The following GAA variants were observed in gnomAD, a reference collection of about 807,000 sequenced individuals.
GAA encodes the protein lysosomal alpha-glucosidase.
In GAA, 88 loss-of-function variants were observed where a neutral mutation model predicts 103.9. The ratio of observed to expected loss-of-function variants is 0.85; its 90% CI spans 0.71 to 1.01. GAA has a LOEUF of 1.01. Among genes scored for constraint, GAA ranks in the 50% least tolerant of loss-of-function variants. GAA has a pLI of 0.00. For missense variants in GAA, 1,350 were observed against 1,305.3 expected (o/e 1.03, Z -0.53); for synonymous variants, 572 against 563.1 (o/e 1.02, Z -0.22).
intron 7 of GAA, 26 bp from the exon 8 acceptor site, chr17:80,108,671 C>G (rs754858392): frequency 6.6e-5 from 106 of 1,612,690 alleles, no homozygotes; most frequent in Non-Finnish European, 8.9e-5. Flanking sequence ...CAGGCCCCAG[C>G]AGACGGTCCC....
At chr17:80,107,980 C>T (rs1223627596) in intron 5 of GAA, 84 bp downstream of exon 5, 4 of 1,316,132 alleles carry the variant, frequency 3.0e-6, no homozygotes, top group Non-Finnish European at 3.2e-6. Flanking sequence ...ATGAGGGGCC[C>T]TGGGCACGGT....
At chr17:80,118,996 G>A (rs1229397996) in intron 19 of GAA, among the ~76,000 whole-genome samples, 191 bp downstream of exon 19, 1 of 152,220 alleles carries the variant, frequency 6.6e-6, no homozygotes, top group Non-Finnish European at 1.5e-5. Flanking sequence ...TCTACACGTG[G>A]GTGATGGGGC....
In GAA at chr17:80,119,200, C is replaced by T. The variant is rs1324131727; in HGVS notation, c.2800-72C>T. On this transcript the variant is annotated intron_variant, in intron 19 of 19. Transcript: ENST00000302262. ...CTGGGATCTCGGGGCCAGATGGAGC[C>T]GCCTTCTGAGCGCTGGGGTCTCACT... The T allele has an allele frequency of 1.2e-5, 18 of 1,448,884 alleles. No homozygotes were observed. In the South Asian group the frequency reaches 1.5e-4, roughly 12 times the overall value. The allele number at this position is 1,448,884 out of a possible 1,614,324, so 89.8% of individuals were successfully genotyped here.
intron 9 of GAA, among the ~76,000 whole-genome samples, chr17:80,110,502 G>A (rs2143869968): frequency 6.6e-6 from 1 of 152,358 alleles, no homozygotes; most frequent in South Asian, 2.1e-4. Flanking sequence ...GACGTGTTGG[G>A]GGTGACCCCT....
intron 15 of GAA, 21 bp from the exon 16 acceptor site, chr17:80,116,947 G>T (rs1275966985): frequency 6.2e-7 from 1 of 1,613,524 alleles, no homozygotes; most frequent in Non-Finnish European, 8.5e-7. Flanking sequence ...CCGTATGCCT[G>T]TGTGCCCATC....
At chr17:80,108,884 C>T (rs2039163931) in intron 8 of GAA, 56 bp downstream of exon 8, 3 of 1,539,080 alleles carry the variant, frequency 1.9e-6, no homozygotes, top group African/African-American at 1.4e-5. Context: ...TGCCCAGTGG[C>T]TCCTTCTCTG....
chr17:80,117,599 G>C lies in GAA; in HGVS notation c.2332-1G>C, dbSNP rs1555602832. On this transcript the variant is annotated splice_acceptor_variant, in intron 16 of 19. Coordinates refer to ENST00000302262, the MANE Select transcript of GAA (RefSeq NM_000152.5). LOFTEE classifies it high-confidence loss of function. ...ATCCTCAAAGCAACATCTCCCTCCA[G>C]GTGCCAGTAGAGGCCCTTGGCAGCC... The C allele has an allele frequency of 1.2e-6, 2 of 1,612,878 alleles. No homozygotes were observed. Among genetic ancestry groups the C allele is most frequent in the Non-Finnish European group, 8.5e-7 (1 of 1,179,962 alleles).
chr17:80,102,156 C>T (rs2038967308), intron 1 of GAA: 1 of 151,920 alleles, frequency 6.6e-6, no homozygotes. Flanking sequence ...CTGGCCGGGA[C>T]CCGAGCCACC....
chr17:80,110,589 T>C, intron 9 of GAA, 138 bp from the exon 10 acceptor site: 1 of 691,540 alleles, frequency 1.4e-6, no homozygotes, highest in Admixed American at 2.2e-5. Context: ...ACCTCCAGGG[T>C]GCAGGTCTCT....
intron 1 of GAA, chr17:80,102,657 C>A: frequency 6.6e-6 from 1 of 152,358 alleles, no homozygotes; most frequent in Non-Finnish European, 1.5e-5. Flanking sequence ...GCCCCCACCT[C>A]ACACCAGGCC....
rs568131293 is a variant in GAA, at chr17:80,119,619, G to T, written c.*288G>T. 1.2e-3 allele frequency: 532 copies of T among 429,384 alleles called. 1 individual carries two copies. Among genetic ancestry groups the T allele is most frequent in the Non-Finnish European group, 1.8e-3 (408 of 227,884 alleles). The allele number at this position is 429,384 out of a possible 1,614,324, so 26.6% of individuals were successfully genotyped here. The stretch of plus-strand genomic sequence containing the variant: ...GGTTTGCCCTCCTCACCTGTTGCCG[G>T]CATGCGGGTAGTATTAGCCACCCCC... On this transcript the variant is annotated 3_prime_UTR_variant, in exon 20 of 20. Transcript: ENST00000302262.
chr17:80,102,964 T>G (rs1356574268), intron 1 of GAA, among the ~76,000 whole-genome samples: 3 of 152,278 alleles, frequency 2.0e-5, no homozygotes, highest in African/African-American at 7.2e-5. Context: ...GTTGCAGAAT[T>G]GATGGGTGTG....
intron 2 of GAA, 44 bp downstream of exon 2, chr17:80,105,176 C>A (rs369903500): frequency 1.3e-6 from 2 of 1,549,832 alleles, no homozygotes; most frequent in Non-Finnish European, 8.7e-7. Context: ...GCAGAGGGTG[C>A]GCGTGGACAT....
intron 3 of GAA, 109 bp downstream of exon 3, chr17:80,106,003 T>C: frequency 7.0e-7 from 1 of 1,423,422 alleles, no homozygotes; most frequent in Non-Finnish European, 9.4e-7. Flanking sequence ...GGGCGACACA[T>C]GTTTGTTTCT....
chr17:80,103,279 G>T (rs1033958556), intron 1 of GAA, among the ~76,000 whole-genome samples: 3 of 152,172 alleles, frequency 2.0e-5, no homozygotes, highest in African/African-American at 4.8e-5. Flanking sequence ...TCCAAGGCCC[G>T]TTCCTCAGAG....
intron 1 of GAA, 159 bp downstream of exon 1, chr17:80,102,049 C>G (rs1422333831): frequency 6.6e-6 from 1 of 152,468 alleles, no homozygotes; most frequent in African/African-American, 2.4e-5. Context: ...TAGAGATGAA[C>G]GGGGAGCCGC....
intron 10 of GAA, 27 bp from the exon 11 acceptor site, chr17:80,110,914 C>T (rs756265259): frequency 1.2e-6 from 2 of 1,613,662 alleles, no homozygotes; most frequent in African/African-American, 2.7e-5. Flanking sequence ...TGGGCAGAGT[C>T]ACCTACCAGC....
At chr17:80,115,622 A>G (rs1282705337) in intron 15 of GAA, among the ~76,000 whole-genome samples, 5 of 152,152 alleles carry the variant, frequency 3.3e-5, no homozygotes, top group African/African-American at 4.8e-5. Flanking sequence ...TCTGTGGGCC[A>G]TACTTTCTTG....
intron 1 of GAA, among the ~76,000 whole-genome samples, chr17:80,102,984 C>G (rs1287523820): frequency 1.3e-5 from 2 of 152,316 alleles, no homozygotes; most frequent in East Asian, 1.9e-4. Flanking sequence ...GAGAAAAACC[C>G]TACACATTTA....
Sources: gnomAD v4.1 joint callset for allele counts (sites outside exome capture counted in the v4.1 genomes callset) on GRCh38, gnomAD v4.1.1 for gene constraint, MANE v1.5 for transcripts, NCBI Gene and HGNC (gene_info 2026-07-23, HGNC 2026-07-21) for gene names.